FNIP1: variants seen among roughly 807,000 people sequenced by gnomAD.
The protein encoded by FNIP1 is folliculin-interacting protein 1.
FNIP1 carries 40 observed loss-of-function variants against 124.5 expected under a neutral mutation model. That is an observed-to-expected ratio of 0.32 (90% CI 0.25 to 0.42). The LOEUF is 0.42. Ranked by LOEUF, FNIP1 falls within the 10% of genes least tolerant of loss-of-function variation. The pLI, the probability that FNIP1 is intolerant of heterozygous loss-of-function variation, is 1.00. For missense variants in FNIP1, 1,176 were observed against 1,403.7 expected (o/e 0.84, Z 2.59); for synonymous variants, 472 against 470.6 (o/e 1.00, Z -0.04).
At chr5:131,728,293 C>T (rs1769957781) in intron 3 of FNIP1, among the ~76,000 whole-genome samples, 1 of 152,140 alleles carries the variant, frequency 6.6e-6, no homozygotes, top group African/African-American at 2.4e-5. Context: ...GTTCCATTCT[C>T]CCTGTCACTT....
intron 11 of FNIP1, among the ~76,000 whole-genome samples, chr5:131,695,252 G>A (rs1768653724): frequency 6.6e-6 from 1 of 152,186 alleles, no homozygotes; most frequent in Non-Finnish European, 1.5e-5. Flanking sequence ...TTCAAATTAA[G>A]TCTCTTCATT....
intron 17 of FNIP1, among the ~76,000 whole-genome samples, chr5:131,646,335 C>T (rs757893409): frequency 4.6e-4 from 70 of 152,276 alleles, no homozygotes; most frequent in Middle Eastern, 3.4e-3. Context: ...ATAACACTGC[C>T]TACACACTGC....
intron 15 of FNIP1, among the ~76,000 whole-genome samples, chr5:131,653,276 G>C (rs906188973): frequency 1.3e-5 from 2 of 151,928 alleles, no homozygotes; most frequent in African/African-American, 4.8e-5. Context: ...GGTAGTTCAC[G>C]CCTATAATGC....
chr5:131,689,040 T>C (rs1199626169), intron 11 of FNIP1, among the ~76,000 whole-genome samples: 1 of 151,642 alleles, frequency 6.6e-6, no homozygotes, highest in East Asian at 1.9e-4. Flanking sequence ...ATATATATCA[T>C]ACTGAAACTG....
intron 1 of FNIP1, among the ~76,000 whole-genome samples, chr5:131,752,552 A>AC (rs959153391): frequency 6.6e-6 from 1 of 151,664 alleles, no homozygotes; most frequent in Non-Finnish European, 1.5e-5. Flanking sequence ...AAAAAAAAAA[A>AC]AGACCAGTCC....
At chr5:131,699,388 T>C (rs536902795) in intron 10 of FNIP1, among the ~76,000 whole-genome samples, 1 of 151,060 alleles carries the variant, frequency 6.6e-6, no homozygotes, top group East Asian at 1.9e-4. Context: ...AACACTTCTG[T>C]TAACTCCTTT....
intron 13 of FNIP1, among the ~76,000 whole-genome samples, chr5:131,674,505 A>G (rs1379407446): frequency 6.6e-6 from 1 of 152,076 alleles, no homozygotes; most frequent in Non-Finnish European, 1.5e-5. Context: ...ACTTGAGCCC[A>G]GGAGTTCAAG....
chr5:131,796,782 AG>A, intron 1 of FNIP1, 47 bp downstream of exon 1: 1 of 1,519,398 alleles, frequency 6.6e-7, no homozygotes, highest in Non-Finnish European at 8.9e-7. Flanking sequence ...TGGAGCCCGG[AG>A]CCCACAAGGC....
At chr5:131,759,908 T>TA (rs1338988588) in intron 1 of FNIP1, among the ~76,000 whole-genome samples, 1 of 152,092 alleles carries the variant, frequency 6.6e-6, no homozygotes, top group African/African-American at 2.4e-5. Flanking sequence ...TATGCAGCCA[T>TA]AAAAAAGAAT....
chr5:131,740,968 T>C (rs1439255466), intron 2 of FNIP1, among the ~76,000 whole-genome samples: 5 of 151,962 alleles, frequency 3.3e-5, no homozygotes, highest in African/African-American at 4.8e-5. Context: ...CATCAGTAAA[T>C]TACAGTATAT....
intron 3 of FNIP1, 78 bp from the exon 4 acceptor site, chr5:131,719,495 A>C: frequency 7.7e-7 from 1 of 1,295,088 alleles, no homozygotes; most frequent in Non-Finnish European, 1.1e-6. Flanking sequence ...TTTATTAAAA[A>C]TTCTTGATAT....
intron 2 of FNIP1, among the ~76,000 whole-genome samples, chr5:131,738,812 CTT>C (rs71806851): frequency 2.2e-4 from 31 of 139,880 alleles, no homozygotes; most frequent in African/African-American, 2.7e-4. Flanking sequence ...TGCATCCGGC[CTT>C]TTTTTTTTTT....
At chr5:131,778,663 T>C (rs999096727) in intron 1 of FNIP1, among the ~76,000 whole-genome samples, 2 of 102,842 alleles carry the variant, frequency 1.9e-5, no homozygotes, top group African/African-American at 7.9e-5. Context: ...CCCAAATGAC[T>C]ATAAATCATG....
intron 15 of FNIP1, among the ~76,000 whole-genome samples, chr5:131,668,812 A>AT (rs1239083428): frequency 6.6e-6 from 1 of 152,220 alleles, no homozygotes; most frequent in East Asian, 1.9e-4. Context: ...ATATAAATGA[A>AT]TGACTGTGGT....
intron 15 of FNIP1, among the ~76,000 whole-genome samples, chr5:131,652,567 T>C (rs1249233950): frequency 6.6e-6 from 1 of 152,108 alleles, no homozygotes; most frequent in Non-Finnish European, 1.5e-5. Context: ...GGTCTCGATC[T>C]CCTAACCTTG....
chr5:131,790,766 T>C (rs150881990), intron 1 of FNIP1, among the ~76,000 whole-genome samples: 113 of 152,178 alleles, frequency 7.4e-4, no homozygotes, highest in South Asian at 6.2e-3. Context: ...CTGGAGGAAG[T>C]AGTAATTAGA....
intron 1 of FNIP1, among the ~76,000 whole-genome samples, chr5:131,791,488 C>T (rs369047283): frequency 3.9e-5 from 6 of 152,216 alleles, no homozygotes; most frequent in East Asian, 1.9e-4. Context: ...ATATCTAAAT[C>T]GAACTTCAAG....
chr5:131,753,272 A>G (rs1770942239), intron 1 of FNIP1, among the ~76,000 whole-genome samples: 1 of 152,248 alleles, frequency 6.6e-6, no homozygotes, highest in Non-Finnish European at 1.5e-5. Context: ...AATTCCTCTC[A>G]CAGGAAATTT....
intron 1 of FNIP1, among the ~76,000 whole-genome samples, chr5:131,757,397 T>C (rs933282895): frequency 2.6e-5 from 4 of 152,254 alleles, no homozygotes; most frequent in Non-Finnish European, 5.9e-5. Context: ...GTCAGAGTTC[T>C]TGATGAACAG....
Sources: allele counts gnomAD v4.1 joint callset (sites outside exome capture counted in the v4.1 genomes callset), GRCh38; gene constraint gnomAD v4.1.1; transcripts MANE v1.5; gene names NCBI Gene and HGNC (gene_info 2026-07-23, HGNC 2026-07-21).